RYR3: variants seen among roughly 807,000 people sequenced by gnomAD.
RYR3 encodes brain ryanodine receptor-calcium release channel.
A neutral mutation model predicts 584.3 loss-of-function variants in RYR3; 207 were observed. The ratio of observed to expected loss-of-function variants is 0.35; its 90% confidence interval spans 0.32 to 0.40. The LOEUF (loss-of-function observed/expected upper bound fraction) is 0.40, where lower values mean the gene tolerates loss of function less well. RYR3 is among the 10% of genes least tolerant of loss of function. RYR3 has a pLI of 1.00. For synonymous variants in RYR3, 2,416 were observed against 2,248.5 expected, an observed-to-expected ratio of 1.07 and a Z score of -2.11; for missense variants, 5,616 against 6,089.2, an observed-to-expected ratio of 0.92 and a Z score of 2.59.
chr15:33,660,522 C>T, intron 34 of RYR3, 99 bp downstream of exon 34: 1 of 742,952 alleles, frequency 1.3e-6, no homozygotes, highest in Non-Finnish European at 2.2e-6. Flanking sequence ...GTGTTGGATC[C>T]TGCTCAGTCC....
chr15:33,506,717 T>G (rs531302022), intron 3 of RYR3, among the ~76,000 whole-genome samples: 1 of 152,316 alleles, frequency 6.6e-6, no homozygotes, highest in East Asian at 1.9e-4. Flanking sequence ...TCTTGGAACT[T>G]TCTCACAATT....
intron 98 of RYR3, 43 bp downstream of exon 98, chr15:33,854,955 C>T (rs1200580524): frequency 2.0e-6 from 3 of 1,537,778 alleles, no homozygotes; most frequent in African/African-American, 1.4e-5. Context: ...CCTGTATATG[C>T]ACAGGAAAAA....
intron 2 of RYR3, among the ~76,000 whole-genome samples, chr15:33,477,874 CAAGAAAAAAA>C (rs1362413382): frequency 1.3e-4 from 2 of 15,748 alleles, no homozygotes; most frequent in African/African-American, 6.1e-4. Flanking sequence ...GATTCTGTCT[CAAGAAAAAAA>C]AAAAAAAAAA....
intron 60 of RYR3, among the ~76,000 whole-genome samples, chr15:33,761,957 C>G (rs773776470): frequency 1.3e-5 from 2 of 152,104 alleles, no homozygotes; most frequent in Non-Finnish European, 2.9e-5. Flanking sequence ...GTTCAACATA[C>G]AGAAATCAAC....
chr15:33,716,823 T>C (rs2067525570), intron 43 of RYR3, among the ~76,000 whole-genome samples: 1 of 151,690 alleles, frequency 6.6e-6, no homozygotes, highest in African/African-American at 2.4e-5. Context: ...TTGATAAGAG[T>C]AGTAAGTGAA....
intron 86 of RYR3, among the ~76,000 whole-genome samples, chr15:33,831,569 G>A (rs7170699): frequency 0.19 from 28,668 of 152,134 alleles, 2,948 homozygotes; most frequent in Middle Eastern, 0.33. Context: ...TCTGGAAGAA[G>A]TAACTTCAGA....
At chr15:33,420,399 G>A (rs2044156080) in intron 1 of RYR3, among the ~76,000 whole-genome samples, 1 of 152,182 alleles carries the variant, frequency 6.6e-6, no homozygotes, top group African/African-American at 2.4e-5. Flanking sequence ...ACATTTGTTT[G>A]TGATGTTACT....
intron 4 of RYR3, among the ~76,000 whole-genome samples, chr15:33,530,951 C>G (rs1374536267): frequency 2.6e-5 from 4 of 152,072 alleles, no homozygotes; most frequent in Non-Finnish European, 4.4e-5. Context: ...CCACCAAATG[C>G]AGTGCTTTGA....
At chr15:33,547,140 C>T (rs1316091511) in intron 8 of RYR3, among the ~76,000 whole-genome samples, 1 of 152,140 alleles carries the variant, frequency 6.6e-6, no homozygotes, top group African/African-American at 2.4e-5. Context: ...TAAAATAAAA[C>T]TTTAAAAACT....
Position 33,864,208 on chromosome 15 carries a change from T to G in RYR3, c.14517+19T>G. The G allele has an allele frequency of 6.3e-7, 1 of 1,592,438 alleles. No homozygotes were observed. The highest frequency in any genetic ancestry group is 8.6e-7 in the Non-Finnish European group (1 of 1,164,646). On this transcript the variant is annotated intron_variant, in intron 103 of 103. Coordinates refer to ENST00000634891, the MANE Select transcript of RYR3 (RefSeq NM_001036.6). ...GGGTCAGGTGAGAAATTAAGAATCA[T>G]ATACCCGTGTTAGATCTCCCTTTCC... is the stretch of plus-strand genomic sequence containing the variant.
intron 65 of RYR3, among the ~76,000 whole-genome samples, chr15:33,781,867 G>C (rs1209375082): frequency 7.3e-5 from 11 of 151,594 alleles, no homozygotes; most frequent in East Asian, 1.9e-4. Flanking sequence ...AAAGGGGGGG[G>C]GGATTTCCAA....
rs551702808 is a variant in RYR3, at chr15:33,734,764, T to C, written c.7425-1471T>C. Among the ~76,000 whole-genome samples, 5 of 147,604 alleles carry C rather than the reference T, an allele frequency of 3.4e-5. No individual in the cohort carries two copies. In the East Asian group the frequency reaches 1.0e-3, roughly 30 times the overall value. ...GAGTGCAGTGGTGCCATCTCCACTC[T>C]CTGCAAACTCCGCCTCCCAGGTTCA... On this transcript the variant is annotated intron_variant, in intron 48 of 103. Coordinates refer to ENST00000634891, the MANE Select transcript of RYR3 (RefSeq NM_001036.6).
Position 33,659,940 on chromosome 15 carries a change from C to A in RYR3, c.4395+134C>A, listed in dbSNP as rs1272347809. ...TAAGCCCCCCACCCCCAGGCCCTGC[C>A]CTTTCCTGTGGCATTCAGATGGTAG... On this transcript the variant is annotated intron_variant, in intron 33 of 103. Coordinates refer to ENST00000634891, the MANE Select transcript of RYR3 (RefSeq NM_001036.6). 5.9e-6 allele frequency: 4 copies of A among 677,058 alleles called. No homozygotes were observed. In the African/African-American group the frequency reaches 7.2e-5, roughly 12 times the overall value. The allele number at this position is 677,058 out of a possible 1,614,324, so 41.9% of individuals were successfully genotyped here. A position where few individuals can be genotyped will look rare whatever the true frequency, so the allele number is the denominator to read the frequency against.
chr15:33,323,962 T>C (rs1046999566), intron 1 of RYR3, among the ~76,000 whole-genome samples: 6 of 152,336 alleles, frequency 3.9e-5, no homozygotes, highest in East Asian at 1.9e-4. Flanking sequence ...GGCAGGTTTA[T>C]TGAGGTTTTG....
chr15:33,313,831 C>G (rs890937897), intron 1 of RYR3, among the ~76,000 whole-genome samples: 1 of 152,124 alleles, frequency 6.6e-6, no homozygotes, highest in Non-Finnish European at 1.5e-5. Context: ...CAAAAAAAGA[C>G]CATACAATAG....
rs1207205655 is a variant in RYR3 at position 33,664,612 on chromosome 15, TATAC to T, written c.5619+876_5619+879del. Among the ~76,000 whole-genome samples the T allele has an allele frequency of 3.4e-3, 480 of 141,970 alleles. 9 individuals carry two copies. Among genetic ancestry groups the T allele is most frequent in the African/African-American group, 0.011 (431 of 38,140 alleles). 93.1% of individuals were successfully genotyped at this position (141,970 alleles called of 152,430 possible). ...GTGTATATATATATATATATATATA[TATAC>T]GTATGTATACATCTGCGAGGGAGAT... is the stretch of plus-strand genomic sequence containing the variant. On this transcript the variant is annotated intron_variant, in intron 36 of 103. Transcript: ENST00000634891.
At chr15:33,456,365 C>T (rs753432298) in intron 1 of RYR3, among the ~76,000 whole-genome samples, 1 of 152,184 alleles carries the variant, frequency 6.6e-6, no homozygotes, top group Non-Finnish European at 1.5e-5. Context: ...AGCGAGTGGG[C>T]AAGCACGTGA....
intron 7 of RYR3, 47 bp from the exon 8 acceptor site, chr15:33,543,575 T>C (rs754113743): frequency 2.5e-6 from 3 of 1,202,258 alleles, no homozygotes; most frequent in East Asian, 2.3e-5. Context: ...TGCCATTCTC[T>C]TCATTAAACT....
At chr15:33,863,776 A>C (rs1266120460) in intron 102 of RYR3, among the ~76,000 whole-genome samples, 1 of 152,230 alleles carries the variant, frequency 6.6e-6, no homozygotes, top group Non-Finnish European at 1.5e-5. Context: ...TTTTTATGAG[A>C]TGATAAATGG....
Sources: gnomAD v4.1 joint callset for allele counts (sites outside exome capture counted in the v4.1 genomes callset) on GRCh38, gnomAD v4.1.1 for gene constraint, MANE v1.5 for transcripts, NCBI Gene and HGNC (gene_info 2026-07-23, HGNC 2026-07-21) for gene names.